Variants in NTRK2 observed in about 807,000 individuals in gnomAD.
The protein encoded by NTRK2 is BDNF/NT-3 growth factors receptor.
Under a neutral mutation model 94.5 loss-of-function variants are expected in NTRK2, and 13 were observed. The ratio of observed to expected loss-of-function variants is 0.14; its 90% confidence interval spans 0.09 to 0.22. The LOEUF is 0.22. Ranked by LOEUF, NTRK2 falls within the 10% of genes least tolerant of loss-of-function variation. The pLI is 1.00. For missense variants in NTRK2, 639 were observed against 1,071.2 expected, an observed-to-expected ratio of 0.60 and a Z score of 5.63; for synonymous variants, 372 against 407.4, an observed-to-expected ratio of 0.91 and a Z score of 1.05.
At chr9:84,907,309 T>TTTTA (rs532667797) in intron 14 of NTRK2, among the ~76,000 whole-genome samples, 4 of 152,202 alleles carry the variant, frequency 2.6e-5, no homozygotes, top group Non-Finnish European at 5.9e-5. Context: ...GAAGAATGTG[T>TTTTA]TTTATTTGGA....
At chr9:84,842,992 A>G (rs1168569712) in intron 12 of NTRK2, among the ~76,000 whole-genome samples, 2 of 152,192 alleles carry the variant, frequency 1.3e-5, no homozygotes, top group Non-Finnish European at 2.9e-5. Flanking sequence ...TCTAAGAGCA[A>G]GAACTACATA....
Position 85,021,257 on chromosome 9 carries a change from A to T in NTRK2, c.2337A>T (p.Ile779=), listed in dbSNP as rs1832762406. 1 of 1,613,698 alleles carries T rather than the reference A, an allele frequency of 6.2e-7. No homozygotes were observed. The highest frequency in any genetic ancestry group is 8.5e-7 in the Non-Finnish European group (1 of 1,179,840). ...PWYQLSNNEV[I]ECITQGRVLQ... ...TATCTTTGATCTCCATCCAGGTGAT[A>T]GAGTGTATCACTCAGGGCCGAGTCC... is the stretch of plus-strand genomic sequence containing the variant. Residue 779 remains isoleucine, a synonymous_variant, in exon 19 of 19, where the codon ATA becomes ATT. Coordinates refer to ENST00000277120, the MANE Select transcript of NTRK2 (RefSeq NM_006180.6).
Position 84,670,712 on chromosome 9 carries a change from C to A in NTRK2, c.-37C>A. On this transcript the variant is annotated 5_prime_UTR_variant, in exon 2 of 19. Transcript: ENST00000277120. The stretch of plus-strand genomic sequence containing the variant: ...GTGGGGGAAAGCGGCCGGTGCAGCG[C>A]GGGGACAGGCACTCGGGCTGGCACT... 2 of 1,602,204 alleles carry A rather than the reference C, an allele frequency of 1.2e-6. No homozygotes were observed. Among genetic ancestry groups the A allele is most frequent in the African/African-American group, 1.3e-5 (1 of 74,888 alleles).
chr9:84,674,793 C>T (rs1309344612), intron 2 of NTRK2, among the ~76,000 whole-genome samples: 3 of 152,054 alleles, frequency 2.0e-5, no homozygotes, highest in Non-Finnish European at 4.4e-5. Flanking sequence ...TAGTTTCATA[C>T]CTTCAATCTC....
At chr9:84,752,118 G>A (rs1195266114) in intron 12 of NTRK2, 33 bp downstream of exon 12, 16 of 1,539,062 alleles carry the variant, frequency 1.0e-5, no homozygotes, top group Non-Finnish European at 1.3e-5. Flanking sequence ...AGCTTCTTAT[G>A]TGGATCATTT....
At position 84,859,880 on chromosome 9, in the gene NTRK2, G is replaced by A. The variant is rs565230470; in HGVS notation, c.1397-1160G>A. On this transcript the variant is annotated intron_variant, in intron 12 of 18. Transcript: ENST00000277120. ...AATCTTTATTTGGCTTTGGCTCAAG[G>A]CTAGGCCTTCATCTCATCTTCTAAA... Among the ~76,000 whole-genome samples, 6 of 152,310 alleles carry A rather than the reference G, an allele frequency of 3.9e-5. 1 individual carries two copies. In the South Asian group the frequency reaches 1.2e-3, roughly 32 times the overall value.
intron 14 of NTRK2, among the ~76,000 whole-genome samples, chr9:84,905,830 T>A (rs117517804): frequency 3.0e-3 from 464 of 152,186 alleles, no homozygotes; most frequent in Middle Eastern, 0.01. Context: ...AAGATAGACA[T>A]GGGGAAACGA....
chr9:84,760,074 T>A (rs1282267125), intron 12 of NTRK2, among the ~76,000 whole-genome samples: 2 of 152,246 alleles, frequency 1.3e-5, no homozygotes, highest in Non-Finnish European at 2.9e-5. Flanking sequence ...GTTTGTAAGT[T>A]GTTAACTCCT....
chr9:84,806,916 G>C (rs1448249664), intron 12 of NTRK2, among the ~76,000 whole-genome samples: 1 of 152,190 alleles, frequency 6.6e-6, no homozygotes, highest in East Asian at 1.9e-4. Context: ...GACTTAAAAG[G>C]CATTTGTTTT....
intron 12 of NTRK2, among the ~76,000 whole-genome samples, chr9:84,805,132 C>A (rs992564210): frequency 6.6e-6 from 1 of 152,200 alleles, no homozygotes; most frequent in Non-Finnish European, 1.5e-5. Context: ...GCACATTCCC[C>A]TTAGAATTGT....
rs1372873696 is a variant in NTRK2, at chr9:85,025,825, A to AT, written c.*4394dup. 4.3e-6 allele frequency: 1 copy of AT among 231,356 alleles called. No homozygotes were observed. The highest frequency in any genetic ancestry group is 8.5e-6 in the Non-Finnish European group (1 of 117,068). 14.3% of individuals were successfully genotyped at this position (231,356 alleles called of 1,614,324 possible). ...ATGTCTAAGTTAGTAGTTACAGCTG[A>AT]TTTTTTATGATGCATAATTGGAATG... On this transcript the variant is annotated 3_prime_UTR_variant, in exon 19 of 19. Coordinates refer to ENST00000277120, the MANE Select transcript of NTRK2 (RefSeq NM_006180.6).
At chr9:84,909,247 C>A (rs2077166665) in intron 14 of NTRK2, among the ~76,000 whole-genome samples, 1 of 152,066 alleles carries the variant, frequency 6.6e-6, no homozygotes, top group African/African-American at 2.4e-5. Flanking sequence ...TTGTGTGTAT[C>A]AGTAGTTTGT....
At chr9:84,842,534 G>A (rs1043614501) in intron 12 of NTRK2, among the ~76,000 whole-genome samples, 5 of 152,076 alleles carry the variant, frequency 3.3e-5, no homozygotes, top group Admixed American at 2.0e-4. Flanking sequence ...GACTCTGGCC[G>A]TGGCTCTGCC....
chr9:84,826,544 C>T (rs891335732), intron 12 of NTRK2, among the ~76,000 whole-genome samples: 5 of 152,100 alleles, frequency 3.3e-5, no homozygotes, highest in Non-Finnish European at 7.3e-5. Flanking sequence ...ACCTGGAGAA[C>T]AGAGTTGAAC....
At chr9:85,011,736 AAGAT>A (rs1050850622) in intron 17 of NTRK2, among the ~76,000 whole-genome samples, 1 of 152,192 alleles carries the variant, frequency 6.6e-6, no homozygotes, top group African/African-American at 2.4e-5. Context: ...CAAGCTGACT[AAGAT>A]AGAGAGCCCT....
At chr9:84,933,317 C>A (rs2078104218) in intron 14 of NTRK2, among the ~76,000 whole-genome samples, 1 of 152,202 alleles carries the variant, frequency 6.6e-6, no homozygotes, top group African/African-American at 2.4e-5. Flanking sequence ...TCCTCCATGA[C>A]CTCTGTCCTT....
At chr9:84,988,640 G>A (rs1226477617) in intron 17 of NTRK2, among the ~76,000 whole-genome samples, 1 of 152,210 alleles carries the variant, frequency 6.6e-6, no homozygotes, top group Non-Finnish European at 1.5e-5. Flanking sequence ...CCAACATGAA[G>A]TCCTAATGAG....
chr9:84,867,743 G>T (rs999807729), intron 14 of NTRK2, among the ~76,000 whole-genome samples: 1 of 152,210 alleles, frequency 6.6e-6, no homozygotes, highest in Non-Finnish European at 1.5e-5. Flanking sequence ...ACAGAAACCA[G>T]AAGTGTCATT....
intron 17 of NTRK2, among the ~76,000 whole-genome samples, chr9:84,979,279 A>G (rs1369384761): frequency 1.3e-5 from 2 of 152,234 alleles, no homozygotes; most frequent in Non-Finnish European, 2.9e-5. Flanking sequence ...ATTTGTAGGA[A>G]GAGGTCAGAC....
Sources: allele counts gnomAD v4.1 joint callset (sites outside exome capture counted in the v4.1 genomes callset), GRCh38; gene constraint gnomAD v4.1.1; transcripts MANE v1.5; gene names NCBI Gene and HGNC (gene_info 2026-07-23, HGNC 2026-07-21).